FAF1: variants seen among roughly 807,000 people sequenced by gnomAD.
The protein encoded by FAF1 is FAS-associated factor 1.
A neutral mutation model predicts 92.5 loss-of-function variants in FAF1; 25 were observed. That is an observed-to-expected ratio of 0.27 (90% CI 0.20 to 0.38). The LOEUF is 0.38. Among genes scored for constraint, FAF1 ranks in the 10% least tolerant of loss-of-function variants. The pLI is 1.00. For missense variants in FAF1, 636 were observed against 793.3 expected (o/e 0.80, Z 2.38); for synonymous variants, 234 against 273.2 (o/e 0.86, Z 1.42).
chr1:50,599,015 A>AG (rs1651967505), intron 8 of FAF1, among the ~76,000 whole-genome samples: 1 of 152,226 alleles, frequency 6.6e-6, no homozygotes, highest in Admixed American at 6.5e-5. Context: ...TATGTACTAC[A>AG]GGCACAGGGT....
chr1:50,643,387 T>C (rs1377061798), intron 8 of FAF1, among the ~76,000 whole-genome samples: 1 of 152,108 alleles, frequency 6.6e-6, no homozygotes, highest in Non-Finnish European at 1.5e-5. Context: ...TGTTAAAAAT[T>C]CCATATTGCT....
intron 18 of FAF1, among the ~76,000 whole-genome samples, chr1:50,460,579 ATGTG>A (rs749471763): frequency 4.0e-5 from 6 of 151,862 alleles, no homozygotes; most frequent in African/African-American, 7.3e-5. Flanking sequence ...ATATGCATGT[ATGTG>A]TGTGTGTATG....
chr1:50,922,022 C>T (rs1159392642), intron 1 of FAF1, among the ~76,000 whole-genome samples: 2 of 151,698 alleles, frequency 1.3e-5, no homozygotes, highest in Non-Finnish European at 2.9e-5. Context: ...CAAAATTAGC[C>T]GGGCATGGTG....
At chr1:50,494,134 T>C (rs1418753225) in intron 15 of FAF1, among the ~76,000 whole-genome samples, 1 of 152,206 alleles carries the variant, frequency 6.6e-6, no homozygotes, top group African/African-American at 2.4e-5. Flanking sequence ...TCTTGTATGT[T>C]TGGTAGTTGT....
rs369288416 is a variant in FAF1, at chr1:50,779,991, G to GACAGACAGACACACACACACAC, written c.367+8008_367+8009insGTGTGTGTGTGTGTCTGTCTGT. Among the ~76,000 whole-genome samples, 10 of 145,532 alleles carry GACAGACAGACACACACACACAC rather than the reference G, an allele frequency of 6.9e-5. No individual in the cohort carries two copies. The South Asian group carries it at 1.8e-3, about 26-fold the overall frequency. On this transcript the variant is annotated intron_variant, in intron 4 of 18. Coordinates refer to ENST00000396153, the MANE Select transcript of FAF1 (RefSeq NM_007051.3). The stretch of plus-strand genomic sequence containing the variant: ...ACAAGCACACATGCACAGACAGACA[G>GACAGACAGACACACACACACAC]ACACACACACACACACACACACACA...
At chr1:50,711,784 C>T (rs909693096) in intron 6 of FAF1, among the ~76,000 whole-genome samples, 2 of 152,028 alleles carry the variant, frequency 1.3e-5, no homozygotes, top group Non-Finnish European at 2.9e-5. Context: ...TTACAGAGGT[C>T]TTGTTTGGGG....
intron 8 of FAF1, among the ~76,000 whole-genome samples, chr1:50,651,187 T>G (rs1654847245): frequency 6.6e-6 from 1 of 152,232 alleles, no homozygotes; most frequent in South Asian, 2.1e-4. Flanking sequence ...AGAAGTATAC[T>G]GAACAAAACA....
intron 6 of FAF1, among the ~76,000 whole-genome samples, chr1:50,713,387 C>A (rs1285117921): frequency 1.3e-5 from 2 of 151,924 alleles, no homozygotes; most frequent in Non-Finnish European, 2.9e-5. Context: ...GATTCTCCTG[C>A]CTCAGCCTCC....
intron 18 of FAF1, among the ~76,000 whole-genome samples, chr1:50,453,859 T>C (rs1325307209): frequency 6.6e-6 from 1 of 152,110 alleles, no homozygotes; most frequent in Non-Finnish European, 1.5e-5. Context: ...CCACAAAGGG[T>C]CAGGGCTCAG....
intron 7 of FAF1, among the ~76,000 whole-genome samples, chr1:50,679,860 T>C (rs2124363559): frequency 6.6e-6 from 1 of 152,272 alleles, no homozygotes; most frequent in African/African-American, 2.4e-5. Context: ...AAACCGCACA[T>C]CTCGGCAACT....
intron 7 of FAF1, among the ~76,000 whole-genome samples, chr1:50,662,203 A>C (rs963763977): frequency 6.6e-6 from 1 of 152,234 alleles, no homozygotes; most frequent in African/African-American, 2.4e-5. Context: ...CTCAAATACT[A>C]TCTTTCCAGA....
chr1:50,789,896 A>G (rs1661502172), intron 3 of FAF1, among the ~76,000 whole-genome samples: 1 of 152,054 alleles, frequency 6.6e-6, no homozygotes. Flanking sequence ...CACCTTAATC[A>G]TTCCCGTTTC....
intron 8 of FAF1, among the ~76,000 whole-genome samples, chr1:50,600,346 G>A (rs1301981551): frequency 6.6e-6 from 1 of 152,118 alleles, no homozygotes; most frequent in Non-Finnish European, 1.5e-5. Flanking sequence ...AATGAACAGT[G>A]ATTGCATGAT....
At chr1:50,892,022 C>T (rs1003010573) in intron 1 of FAF1, among the ~76,000 whole-genome samples, 13 of 152,166 alleles carry the variant, frequency 8.5e-5, no homozygotes, top group East Asian at 1.9e-4. Flanking sequence ...CGAGCTTCCC[C>T]GCCACTTTGT....
At chr1:50,616,981 T>C (rs1007145747) in intron 8 of FAF1, among the ~76,000 whole-genome samples, 1 of 152,190 alleles carries the variant, frequency 6.6e-6, no homozygotes, top group African/African-American at 2.4e-5. Context: ...GCACTCAGGC[T>C]GTACATTGAT....
intron 1 of FAF1, among the ~76,000 whole-genome samples, chr1:50,923,007 T>C (rs1202814194): frequency 6.6e-6 from 1 of 151,824 alleles, no homozygotes; most frequent in East Asian, 1.9e-4. Flanking sequence ...TACCAACAAA[T>C]TGGAAAACCT....
chr1:50,454,861 A>G (rs184599059), intron 18 of FAF1, among the ~76,000 whole-genome samples: 1 of 152,290 alleles, frequency 6.6e-6, no homozygotes, highest in East Asian at 1.9e-4. Context: ...GAGGGCACAT[A>G]AGAGATTTTA....
At chr1:50,638,800 C>T (rs1025593790) in intron 8 of FAF1, among the ~76,000 whole-genome samples, 6 of 152,110 alleles carry the variant, frequency 3.9e-5, no homozygotes, top group Non-Finnish European at 7.3e-5. Context: ...CTTCTCTATT[C>T]CCAGTTTGCT....
At chr1:50,839,133 C>G (rs1340034108) in intron 2 of FAF1, among the ~76,000 whole-genome samples, 1 of 151,942 alleles carries the variant, frequency 6.6e-6, no homozygotes, top group Non-Finnish European at 1.5e-5. Flanking sequence ...ATTTATTACC[C>G]TGCTGCTTGC....
Sources: gnomAD v4.1 joint callset for allele counts (sites outside exome capture counted in the v4.1 genomes callset) on GRCh38, gnomAD v4.1.1 for gene constraint, MANE v1.5 for transcripts, NCBI Gene and HGNC (gene_info 2026-07-23, HGNC 2026-07-21) for gene names.